Variants in DRGX observed in about 807,000 individuals in gnomAD.
DRGX encodes the protein dorsal root ganglia homeobox, also known as dorsal root ganglia homeobox protein.
DRGX carries 21 observed loss-of-function variants against 28.6 expected under a neutral mutation model. The observed-to-expected ratio is 0.73, with a 90% CI of 0.52 to 1.06. DRGX has a LOEUF of 1.06. DRGX is among the 50% of genes least tolerant of loss of function. The pLI, the probability that DRGX is intolerant of heterozygous loss-of-function variation, is 0.00. For synonymous variants in DRGX, 136 were observed against 139.1 expected, an observed-to-expected ratio of 0.98 and a Z score of 0.16; for missense variants, 354 against 343.9, an observed-to-expected ratio of 1.03 and a Z score of -0.23.
At chr10:49,367,950 G>C (rs1430679171) in intron 6 of DRGX, among the ~76,000 whole-genome samples, 1 of 152,140 alleles carries the variant, frequency 6.6e-6, no homozygotes, top group Non-Finnish European at 1.5e-5. Flanking sequence ...CAACCTCAGG[G>C]GCAGCCGGAG....
At chr10:49,385,820 C>G (rs562701381) in intron 6 of DRGX, among the ~76,000 whole-genome samples, 1 of 152,114 alleles carries the variant, frequency 6.6e-6, no homozygotes, top group Non-Finnish European at 1.5e-5. Context: ...CTGTTCCTGG[C>G]CAACACAGCT....
rs545740512 is a variant in DRGX, at chr10:49,366,378, C to G, written c.530G>C (p.Gly177Ala). ...ALSHVASLKG[G>A]PLCSCCVPDP... ...TGGGACGCAGCAAGAGCACAGTGGG[C>G]CCCCTGGAAAAGGAAAAACAACAGG... is the stretch of plus-strand genomic sequence containing the variant. The change falls in exon 7 of 7, where the codon GGC (glycine) becomes GCC (alanine). Residue 177 changes from glycine (G) to alanine (A), a missense_variant. Gly to Ala is a moderately conservative substitution (Grantham distance 60, BLOSUM62 0). Transcript: ENST00000374139. 3 of 1,596,594 alleles carry G rather than the reference C, an allele frequency of 1.9e-6. No individual in the cohort carries two copies. Among genetic ancestry groups the G allele is most frequent in the South Asian group, 1.1e-5 (1 of 89,976 alleles).
At chr10:49,392,596 A>T (rs1418574302) in intron 2 of DRGX, among the ~76,000 whole-genome samples, 2 of 152,210 alleles carry the variant, frequency 1.3e-5, no homozygotes, top group African/African-American at 4.8e-5. Flanking sequence ...ATCTCTGAGG[A>T]TCTCCAATCA....
intron 1 of DRGX, 39 bp from the exon 2 acceptor site, chr10:49,395,560 T>C: frequency 1.6e-6 from 2 of 1,263,028 alleles, no homozygotes; most frequent in Non-Finnish European, 2.2e-6. Context: ...AGTCTCCCTC[T>C]GCCAGCGCTC....
chr10:49,391,236 A>G lies in DRGX; in HGVS notation c.60T>C (p.Ser20=), dbSNP rs775738671. The G allele has an allele frequency of 1.2e-6, 2 of 1,611,614 alleles. No homozygotes were observed. Among genetic ancestry groups the G allele is most frequent in the Admixed American group, 3.3e-5 (2 of 59,710 alleles). The change falls in exon 3 of 7, where the codon TCT becomes TCC. Residue 20 remains serine (S), a synonymous_variant. Coordinates refer to ENST00000374139, the MANE Select transcript of DRGX (RefSeq NM_001276451.2). The part of the protein sequence containing the change: ...LEGTATFGNH[S]SGDFDDGFLR... ...GAAACCCGTCATCAAAATCCCCCGA[A>G]GAGTGATTGCCAAAGGTTGCAGTGC...
At chr10:49,380,050 C>T (rs1260321244) in intron 6 of DRGX, among the ~76,000 whole-genome samples, 3 of 152,244 alleles carry the variant, frequency 2.0e-5, no homozygotes, top group Admixed American at 1.3e-4. Flanking sequence ...TAGGGAACCA[C>T]GCTGGGGTTG....
At chr10:49,373,253 A>T (rs1386154295) in intron 6 of DRGX, among the ~76,000 whole-genome samples, 2 of 152,238 alleles carry the variant, frequency 1.3e-5, no homozygotes, top group Non-Finnish European at 2.9e-5. Flanking sequence ...AGAACACACT[A>T]CAACTACGAC....
intron 6 of DRGX, among the ~76,000 whole-genome samples, chr10:49,383,493 C>A (rs571302201): frequency 6.6e-6 from 1 of 152,310 alleles, no homozygotes; most frequent in South Asian, 2.1e-4. Flanking sequence ...TACAGCCTGT[C>A]ACAAAACAGC....
At position 49,395,604 on chromosome 10, in the gene DRGX, T is replaced by A. The variant is rs1005969655; in HGVS notation, c.-81-83A>T. On this transcript the variant is annotated intron_variant, in intron 1 of 6. Coordinates refer to ENST00000374139, the MANE Select transcript of DRGX (RefSeq NM_001276451.2). ...CCCTAGGGCGCACCCGGCGCTCCCC[T>A]CCTGGAAAGTCCCTCCCAACGCCCT... 9 of 774,806 alleles carry A rather than the reference T, an allele frequency of 1.2e-5. No homozygotes were observed. The African/African-American group carries it at 1.2e-4, about 10-fold the overall frequency. 48.0% of individuals were successfully genotyped at this position (774,806 alleles called of 1,614,324 possible).
intron 6 of DRGX, among the ~76,000 whole-genome samples, chr10:49,376,464 T>G (rs1340642764): frequency 1.3e-5 from 2 of 152,200 alleles, no homozygotes; most frequent in African/African-American, 4.8e-5. Flanking sequence ...CCAGTCACCA[T>G]GCACTGGGTA....
chr10:49,372,396 G>A (rs1042949591), intron 6 of DRGX, among the ~76,000 whole-genome samples: 5 of 152,172 alleles, frequency 3.3e-5, no homozygotes, highest in African/African-American at 1.2e-4. Context: ...TCAGAAGAAG[G>A]TGGTAGAAGA....
At chr10:49,394,746 C>T (rs1473828411) in intron 2 of DRGX, among the ~76,000 whole-genome samples, 2 of 152,230 alleles carry the variant, frequency 1.3e-5, no homozygotes, top group African/African-American at 4.8e-5. Flanking sequence ...GGCCTGGAGA[C>T]ACTCAAAGAT....
chr10:49,380,031 C>T (rs1016110647), intron 6 of DRGX, among the ~76,000 whole-genome samples: 13 of 152,246 alleles, frequency 8.5e-5, no homozygotes, highest in East Asian at 3.8e-4. Flanking sequence ...TGGCCTCGGG[C>T]TCTGACTCTA....
rs568384275 is a variant in DRGX at position 49,386,540 on chromosome 10, G to A, written c.464C>T (p.Pro155Leu). Residue 155 changes from proline to leucine, a missense_variant, in exon 6 of 7, where the codon CCG (proline) becomes CTG (leucine). Coordinates refer to ENST00000374139, the MANE Select transcript of DRGX (RefSeq NM_001276451.2). ...GGTGGCCGTGTTCAGGAGAGTCCCC[G>A]GCAAGCAGGAGGGGAAGAAAGGCCC... ...PAGPFFPSCL[P>L]GTLLNTATYA... 2.0e-5 allele frequency: 31 copies of A among 1,589,654 alleles called. No homozygotes were observed. The highest frequency in any genetic ancestry group is 8.0e-5 in the South Asian group (7 of 87,352).
At chr10:49,376,987 G>A (rs543632874) in intron 6 of DRGX, among the ~76,000 whole-genome samples, 2 of 152,256 alleles carry the variant, frequency 1.3e-5, no homozygotes, top group Admixed American at 6.5e-5. Flanking sequence ...CCTTCACGTA[G>A]GGATGAGTCT....
intron 6 of DRGX, among the ~76,000 whole-genome samples, chr10:49,385,787 C>G (rs890705604): frequency 1.3e-5 from 2 of 152,122 alleles, no homozygotes; most frequent in East Asian, 1.9e-4. Context: ...CTCACTCCCC[C>G]AGACGCACGC....
chr10:49,374,351 A>G (rs983923390), intron 6 of DRGX, among the ~76,000 whole-genome samples: 1 of 152,208 alleles, frequency 6.6e-6, no homozygotes, highest in South Asian at 2.1e-4. Flanking sequence ...GAGATTCACC[A>G]GCAACCTTCT....
intron 6 of DRGX, among the ~76,000 whole-genome samples, chr10:49,377,731 C>T (rs1211399613): frequency 1.3e-5 from 2 of 152,176 alleles, no homozygotes; most frequent in Non-Finnish European, 2.9e-5. Flanking sequence ...GCACAGCTGC[C>T]ATCTGACTGC....
chr10:49,382,292 G>A (rs1259533185), intron 6 of DRGX, among the ~76,000 whole-genome samples: 1 of 152,146 alleles, frequency 6.6e-6, no homozygotes, highest in Non-Finnish European at 1.5e-5. Flanking sequence ...GTGAGCAAGC[G>A]ACTTCCCCTC....
Sources: gnomAD v4.1 joint callset for allele counts (sites outside exome capture counted in the v4.1 genomes callset) on GRCh38, gnomAD v4.1.1 for gene constraint, MANE v1.5 for transcripts, NCBI Gene and HGNC (gene_info 2026-07-23, HGNC 2026-07-21) for gene names.